Variants in USP4 observed in about 807,000 individuals in gnomAD.
The protein encoded by USP4 is ubiquitin specific peptidase 4, also known as ubiquitin carboxyl-terminal hydrolase 4.
A neutral mutation model predicts 118.2 loss-of-function variants in USP4; 72 were observed. That is an observed-to-expected ratio of 0.61 (90% CI 0.50 to 0.74). USP4 has a LOEUF of 0.74. Ranked by LOEUF, USP4 falls within the 30% of genes least tolerant of loss-of-function variation. The pLI, the probability that USP4 is intolerant of heterozygous loss-of-function variation, is 0.00. For missense variants in USP4, 1,037 were observed against 1,185.7 expected (o/e 0.87, Z 1.84); for synonymous variants, 415 against 440.4 (o/e 0.94, Z 0.72).
chr3:49,338,949 C>T (rs2047702225), intron 1 of USP4, among the ~76,000 whole-genome samples: 1 of 152,076 alleles, frequency 6.6e-6, no homozygotes, highest in Admixed American at 6.6e-5. Flanking sequence ...AGTTTGAGAC[C>T]AGCCTACCCA....
chr3:49,310,546 C>T (rs2047372714), intron 8 of USP4, 74 bp downstream of exon 8: 2 of 1,295,716 alleles, frequency 1.5e-6, no homozygotes, highest in Admixed American at 3.4e-5. Flanking sequence ...GAGGATCCAC[C>T]CAGTACCTTT....
intron 6 of USP4, chr3:49,314,129 T>G (rs2047412732): frequency 6.6e-6 from 1 of 152,216 alleles, no homozygotes; most frequent in African/African-American, 2.4e-5. Context: ...CCACACAGTG[T>G]TCACCCTCAT....
chr3:49,280,439 T>C (rs2047008696), intron 20 of USP4, among the ~76,000 whole-genome samples: 1 of 151,282 alleles, frequency 6.6e-6, no homozygotes, highest in South Asian at 2.1e-4. Flanking sequence ...CGGGCGCCTG[T>C]AGTCCCAGCT....
At chr3:49,283,848 CT>C (rs1176885803) in intron 19 of USP4, 138 bp downstream of exon 19, 2 of 989,016 alleles carry the variant, frequency 2.0e-6, no homozygotes, top group Admixed American at 4.8e-5. Flanking sequence ...GTAACTACAG[CT>C]AAACTCTGAC....
At chr3:49,281,515 C>T (rs2047027655) in intron 19 of USP4, among the ~76,000 whole-genome samples, 1 of 149,556 alleles carries the variant, frequency 6.7e-6, no homozygotes, top group African/African-American at 2.5e-5. Flanking sequence ...CACACACACA[C>T]ACACACACAC....
intron 18 of USP4, 116 bp from the exon 19 acceptor site, chr3:49,284,252 T>A: frequency 2.2e-6 from 3 of 1,381,510 alleles, no homozygotes; most frequent in Non-Finnish European, 3.0e-6. Context: ...CGGTCAGCAC[T>A]CAACACTACT....
chr3:49,318,712 C>T, intron 6 of USP4: 1 of 647,568 alleles, frequency 1.5e-6, no homozygotes, highest in Non-Finnish European at 1.9e-6. Flanking sequence ...AGTTCGAGAC[C>T]AGCCTGGCCA....
At chr3:49,285,141 C>T (rs1383518599) in intron 16 of USP4, among the ~76,000 whole-genome samples, 3 of 152,032 alleles carry the variant, frequency 2.0e-5, no homozygotes, top group Non-Finnish European at 2.9e-5. Context: ...AGATAAGCTA[C>T]GAAGGAACTA....
Position 49,327,832 on chromosome 3 carries a change from A to C in USP4, c.230-16T>G. The stretch of plus-strand genomic sequence containing the variant: ...CTCTCAGGATCTAAAAAAGGAAAAG[A>C]GCACATAAGTCACTGCTCTTTACCC... On this transcript the variant is annotated splice_polypyrimidine_tract_variant and intron_variant, in intron 2 of 21. Coordinates refer to ENST00000265560, the MANE Select transcript of USP4 (RefSeq NM_003363.4). The C allele has an allele frequency of 6.2e-7, 1 of 1,612,150 alleles. No homozygotes were observed. Among genetic ancestry groups the C allele is most frequent in the Non-Finnish European group, 8.5e-7 (1 of 1,178,350 alleles).
chr3:49,297,578 AG>A (rs142431496), intron 13 of USP4, among the ~76,000 whole-genome samples: 3,716 of 152,232 alleles, frequency 0.024, 164 homozygotes, highest in African/African-American at 0.085. Flanking sequence ...CTCTGATGGT[AG>A]GACCATCTGT....
At chr3:49,322,519 C>T (rs905788834) in intron 6 of USP4, among the ~76,000 whole-genome samples, 5 of 151,966 alleles carry the variant, frequency 3.3e-5, no homozygotes, top group African/African-American at 1.2e-4. Flanking sequence ...CTTTTTTTTA[C>T]TAGTGTTGCC....
intron 15 of USP4, among the ~76,000 whole-genome samples, chr3:49,291,400 A>C (rs9811047): frequency 0.75 from 112,896 of 149,900 alleles, 42,835 homozygotes; most frequent in East Asian, 0.99. Context: ...GATGGTGAAA[A>C]CCCATCTCTA....
intron 6 of USP4, chr3:49,318,435 C>A (rs2047463732): frequency 2.0e-6 from 2 of 985,412 alleles, no homozygotes; most frequent in South Asian, 9.4e-5. Flanking sequence ...GCCTTATAGA[C>A]CTCAGGCAAG....
At position 49,335,542 on chromosome 3, in the gene USP4, G is replaced by C; in HGVS notation, c.156C>G (p.Asp52Glu). 1 of 1,614,222 alleles carries C rather than the reference G, an allele frequency of 6.2e-7. No homozygotes were observed. Among genetic ancestry groups the C allele is most frequent in the Non-Finnish European group, 8.5e-7 (1 of 1,180,048 alleles). Reference sequence around the variant, plus strand: ...CACCCACATTGTACATGTCCCAGCTGTCAAAGCCCACATACTTCTTCCACT... The same window carrying C: ...CACCCACATTGTACATGTCCCAGCTCTCAAAGCCCACATACTTCTTCCACT... The part of the protein sequence containing the change: ...FKQWKKYVGF[D>E]SWDMYNVGEH... The change falls in exon 2 of 22, where the codon GAC (aspartate) becomes GAG (glutamate). Residue 52 changes from aspartate (D) to glutamate (E), a missense_variant. Physicochemically the swap from Asp to Glu is conservative, Grantham distance 45. Around this residue, in one of 3 missense-constraint regions of USP4, gnomAD observed 487 missense variants for 534.1 expected, o/e 0.91. Transcript: ENST00000265560.
intron 8 of USP4, 146 bp downstream of exon 8, chr3:49,310,474 T>A: frequency 1.4e-6 from 1 of 714,062 alleles, no homozygotes; most frequent in Non-Finnish European, 2.5e-6. Flanking sequence ...TACCACCTAG[T>A]GGGAGATGCC....
At chr3:49,310,191 C>T (rs1283758020) in intron 8 of USP4, among the ~76,000 whole-genome samples, 1 of 151,898 alleles carries the variant, frequency 6.6e-6, no homozygotes, top group Non-Finnish European at 1.5e-5. Flanking sequence ...TCCCAAAGTG[C>T]TGGGATTACA....
intron 6 of USP4, among the ~76,000 whole-genome samples, chr3:49,322,429 G>T (rs979717268): frequency 2.6e-5 from 4 of 152,162 alleles, no homozygotes; most frequent in Non-Finnish European, 5.9e-5. Flanking sequence ...AGAGAACATG[G>T]GATATATTTC....
At chr3:49,322,138 C>T (rs2047509444) in intron 6 of USP4, among the ~76,000 whole-genome samples, 1 of 152,222 alleles carries the variant, frequency 6.6e-6, no homozygotes, top group South Asian at 2.1e-4. Context: ...AGTCGCAATT[C>T]TTCCCAACAC....
intron 15 of USP4, among the ~76,000 whole-genome samples, chr3:49,289,561 C>T (rs548684109): frequency 4.6e-5 from 7 of 152,238 alleles, no homozygotes; most frequent in South Asian, 2.1e-4. Flanking sequence ...CATAACATTT[C>T]GGGCAAGAAT....
Sources: gnomAD v4.1 joint callset for allele counts (sites outside exome capture counted in the v4.1 genomes callset) on GRCh38, gnomAD v4.1.1 for gene constraint, gnomAD v4.1.1 regional missense constraint, MANE v1.5 for transcripts, NCBI Gene and HGNC (gene_info 2026-07-23, HGNC 2026-07-21) for gene names.